The following USP10 variants were observed in gnomAD, a reference collection of about 807,000 sequenced individuals.
USP10 encodes ubiquitin specific peptidase 10.
A neutral mutation model predicts 84.5 loss-of-function variants in USP10; 22 were observed. The ratio of observed to expected loss-of-function variants is 0.26; its 90% CI spans 0.19 to 0.37. The LOEUF (loss-of-function observed/expected upper bound fraction) is 0.37, where lower values mean the gene tolerates loss of function less well. USP10 is among the 10% of genes least tolerant of loss of function. The probability of loss-of-function intolerance (pLI) is 1.00; values close to 1 mark genes in which losing one functional copy is unlikely to be tolerated. For synonymous variants in USP10, 454 were observed against 387.6 expected (o/e 1.17, Z -2.01); for missense variants, 1,019 against 998.9 (o/e 1.02, Z -0.27).
At chr16:84,702,646 T>C (rs1056125540) in intron 1 of USP10, among the ~76,000 whole-genome samples, 1 of 152,122 alleles carries the variant, frequency 6.6e-6, no homozygotes, top group Non-Finnish European at 1.5e-5. Flanking sequence ...AATTGACTTG[T>C]TAAAGTTAAA....
At chr16:84,766,050 CTGT>C (rs147887677) in intron 10 of USP10, among the ~76,000 whole-genome samples, 1,821 of 152,280 alleles carry the variant, frequency 0.012, 29 homozygotes, top group African/African-American at 0.041. Flanking sequence ...CACTCTTAGT[CTGT>C]TGTTGTCCCA....
intron 2 of USP10, among the ~76,000 whole-genome samples, chr16:84,735,474 G>A (rs1394994706): frequency 2.0e-5 from 3 of 152,126 alleles, no homozygotes; most frequent in African/African-American, 7.2e-5. Context: ...CCACAGGCTC[G>A]GAGGGTTTGG....
intron 2 of USP10, among the ~76,000 whole-genome samples, chr16:84,733,722 A>G (rs1909535648): frequency 1.3e-5 from 2 of 152,216 alleles, no homozygotes; most frequent in South Asian, 4.1e-4. Flanking sequence ...ATAAAACATT[A>G]CAGATGCAAC....
chr16:84,766,525 C>T (rs1035045271), intron 10 of USP10, among the ~76,000 whole-genome samples: 2 of 152,238 alleles, frequency 1.3e-5, no homozygotes, highest in African/African-American at 2.4e-5. Flanking sequence ...GAGGACACCC[C>T]CTCGGGATGG....
chr16:84,749,320 A>C (rs910583863), intron 4 of USP10, among the ~76,000 whole-genome samples: 7 of 152,216 alleles, frequency 4.6e-5, no homozygotes, highest in Admixed American at 4.6e-4. Flanking sequence ...AACTGAGTGA[A>C]AGTCTAGTTT....
At chr16:84,748,036 C>G (rs998509224) in intron 4 of USP10, among the ~76,000 whole-genome samples, 2 of 150,562 alleles carry the variant, frequency 1.3e-5, no homozygotes, top group South Asian at 2.1e-4. Context: ...CGCCTGTAGT[C>G]CCAGCTACTC....
Position 84,745,147 on chromosome 16 carries a change from T to G in USP10, c.666T>G (p.Ile222Met), listed in dbSNP as rs1424613443. The G allele has an allele frequency of 1.2e-6, 2 of 1,613,468 alleles. No individual in the cohort carries two copies. The highest frequency in any genetic ancestry group is 4.5e-5 in the East Asian group (2 of 44,872). The part of the protein sequence containing the change: ...PQNSTDSVSD[I>M]VPDSPFPGAL... ...ACTCCACAGACTCTGTCAGTGACAT[T>G]GTGCCTGACAGTCCTTTCCCCGGAG... is the stretch of plus-strand genomic sequence containing the variant. Residue 222 changes from isoleucine (I) to methionine (M), a missense_variant, in exon 4 of 14, where the codon ATT becomes ATG. Coordinates refer to ENST00000219473, the MANE Select transcript of USP10 (RefSeq NM_005153.3).
At chr16:84,712,263 C>A (rs1567590694) in intron 1 of USP10, among the ~76,000 whole-genome samples, 1 of 152,186 alleles carries the variant, frequency 6.6e-6, no homozygotes, top group Non-Finnish European at 1.5e-5. Context: ...CCTTGTGGTC[C>A]TGTCCTGAGA....
rs1555548056 is a variant in USP10, at chr16:84,764,939, A to AATATATAT, written c.1832+685_1832+692dup. ...TAACCACGAGAGAGAGAGAAAAAAA[A>AATATATAT]ATATATATATATATATTAGACTTCA... On this transcript the variant is annotated intron_variant, in intron 10 of 13. Transcript: ENST00000219473. Among the ~76,000 whole-genome samples, 108 of 132,262 alleles carry AATATATAT rather than the reference A, an allele frequency of 8.2e-4. 1 individual carries two copies. The highest frequency in any genetic ancestry group is 2.6e-3 in the African/African-American group (93 of 35,596). 86.8% of individuals were successfully genotyped at this position (132,262 alleles called of 152,430 possible). A position where few individuals can be genotyped will look rare whatever the true frequency, so the allele number is the denominator to read the frequency against.
chr16:84,772,186 G>A (rs113204609), intron 11 of USP10, among the ~76,000 whole-genome samples: 4,576 of 152,080 alleles, frequency 0.03, 207 homozygotes, highest in African/African-American at 0.1. Context: ...CAGGTAGCTG[G>A]GGTTACAGGC....
chr16:84,728,590 A>G (rs962511899), intron 1 of USP10, among the ~76,000 whole-genome samples: 28 of 152,134 alleles, frequency 1.8e-4, no homozygotes, highest in Admixed American at 1.4e-3. Flanking sequence ...CGGCCTCCCA[A>G]AGTGCTGGGA....
At chr16:84,761,650 C>T (rs1913217590) in intron 8 of USP10, among the ~76,000 whole-genome samples, 1 of 152,234 alleles carries the variant, frequency 6.6e-6, no homozygotes, top group Non-Finnish European at 1.5e-5. Context: ...AGGGCTGGTC[C>T]CATAGGTACC....
chr16:84,715,221 C>A (rs1020277725), intron 1 of USP10, among the ~76,000 whole-genome samples: 3 of 152,070 alleles, frequency 2.0e-5, no homozygotes, highest in African/African-American at 7.2e-5. Flanking sequence ...TGAGGCACCA[C>A]TCCCGGCCCA....
intron 1 of USP10, among the ~76,000 whole-genome samples, chr16:84,723,518 C>T (rs1218291957): frequency 6.6e-6 from 1 of 152,182 alleles, no homozygotes; most frequent in African/African-American, 2.4e-5. Flanking sequence ...CCTGGGAAGT[C>T]ACAATGATTG....
intron 1 of USP10, among the ~76,000 whole-genome samples, chr16:84,717,961 T>C (rs1907267947): frequency 6.6e-6 from 1 of 152,156 alleles, no homozygotes; most frequent in Non-Finnish European, 1.5e-5. Flanking sequence ...GTTAGGGTAT[T>C]TGTGATGGAA....
intron 1 of USP10, among the ~76,000 whole-genome samples, chr16:84,700,676 G>A (rs1232181620): frequency 6.6e-6 from 1 of 152,188 alleles, no homozygotes; most frequent in African/African-American, 2.4e-5. Flanking sequence ...TTGGGCTGCT[G>A]TTGCAAAGAA....
chr16:84,770,290 A>G (rs537032359), intron 11 of USP10, among the ~76,000 whole-genome samples: 3 of 152,322 alleles, frequency 2.0e-5, no homozygotes, highest in Admixed American at 1.3e-4. Context: ...GGAAGTATCT[A>G]TAAGGAGCAA....
intron 11 of USP10, 84 bp downstream of exon 11, chr16:84,768,442 TG>T (rs1914092883): frequency 7.5e-7 from 1 of 1,338,144 alleles, no homozygotes; most frequent in Admixed American, 2.8e-5. Context: ...TGAGGGGAAA[TG>T]GGTTTGAGTT....
intron 11 of USP10, among the ~76,000 whole-genome samples, chr16:84,771,686 T>C (rs374612375): frequency 1.3e-5 from 2 of 152,130 alleles, no homozygotes; most frequent in East Asian, 3.9e-4. Context: ...CTGGCCAACA[T>C]GGTGAAACCC....
Sources: allele counts gnomAD v4.1 joint callset (sites outside exome capture counted in the v4.1 genomes callset), GRCh38; gene constraint gnomAD v4.1.1; transcripts MANE v1.5; gene names NCBI Gene and HGNC (gene_info 2026-07-23, HGNC 2026-07-21).